Variants in OVCH1 observed in about 807,000 individuals in gnomAD.
OVCH1 encodes ovochymase 1, also known as ovochymase-1.
Under a neutral mutation model 138.4 loss-of-function variants are expected in OVCH1, and 139 were observed. The observed-to-expected ratio is 1.00, with a 90% CI of 0.87 to 1.16. The LOEUF is 1.16. Ranked by LOEUF, OVCH1 falls within the 50% of genes most tolerant of loss-of-function variation. The pLI is 0.00. For missense variants in OVCH1, 1,367 were observed against 1,357.9 expected, an observed-to-expected ratio of 1.01 and a Z score of -0.11; for synonymous variants, 453 against 467.8, an observed-to-expected ratio of 0.97 and a Z score of 0.41.
chr12:29,429,810 A>G (rs899567713), intron 27 of OVCH1, among the ~76,000 whole-genome samples: 1 of 152,240 alleles, frequency 6.6e-6, no homozygotes, highest in Non-Finnish European at 1.5e-5. Context: ...CAAAAAGAGA[A>G]GTTACTTGAA....
intron 27 of OVCH1, among the ~76,000 whole-genome samples, chr12:29,429,777 A>G (rs896850280): frequency 6.6e-6 from 1 of 152,242 alleles, no homozygotes; most frequent in Non-Finnish European, 1.5e-5. Flanking sequence ...TCCTTGAGAC[A>G]AAGAGAAAAA....
intron 21 of OVCH1, among the ~76,000 whole-genome samples, chr12:29,453,721 C>G (rs1284746889): frequency 6.6e-6 from 1 of 152,090 alleles, no homozygotes; most frequent in Non-Finnish European, 1.5e-5. Context: ...TTCACATACA[C>G]TCTGAATTCC....
intron 16 of OVCH1, among the ~76,000 whole-genome samples, chr12:29,469,399 A>G (rs1942426615): frequency 6.6e-6 from 1 of 152,180 alleles, no homozygotes; most frequent in Non-Finnish European, 1.5e-5. Context: ...TCTCCTCAAA[A>G]TGACCAAGGG....
At chr12:29,474,735 G>A (rs1942643987) in intron 14 of OVCH1, among the ~76,000 whole-genome samples, 1 of 152,056 alleles carries the variant, frequency 6.6e-6, no homozygotes, top group East Asian at 1.9e-4. Context: ...CCCCTAACTT[G>A]GTAAAATAGA....
At chr12:29,493,692 A>G (rs940558542) in intron 4 of OVCH1, among the ~76,000 whole-genome samples, 1 of 152,138 alleles carries the variant, frequency 6.6e-6, no homozygotes, top group Non-Finnish European at 1.5e-5. Flanking sequence ...GCTTATTTTC[A>G]AATTTCCCTT....
chr12:29,460,320 A>G (rs1230262582), intron 19 of OVCH1, among the ~76,000 whole-genome samples: 1 of 152,212 alleles, frequency 6.6e-6, no homozygotes, highest in Non-Finnish European at 1.5e-5. Flanking sequence ...TTCTTGTTGA[A>G]GAAAGAAAAG....
intron 4 of OVCH1, 105 bp downstream of exon 4, chr12:29,495,180 T>C (rs1007712613): frequency 1.8e-6 from 2 of 1,108,152 alleles, no homozygotes; most frequent in African/African-American, 3.2e-5. Context: ...AAACAAAGCT[T>C]AGCTATTCTA....
downstream of OVCH1, among the ~76,000 whole-genome samples, chr12:29,412,140 G>GT (rs1940967419): frequency 6.6e-6 from 1 of 152,112 alleles, no homozygotes; most frequent in Non-Finnish European, 1.5e-5. Context: ...CTGGTGCGCC[G>GT]TTTTTTAAGC....
chr12:29,467,441 C>T (rs10492378), intron 16 of OVCH1, among the ~76,000 whole-genome samples: 5,793 of 152,220 alleles, frequency 0.038, 329 homozygotes, highest in African/African-American at 0.13. Flanking sequence ...ATAGTAGGAA[C>T]ATAGCTCAAG....
At chr12:29,411,326 C>T (rs1372279001), downstream of OVCH1, among the ~76,000 whole-genome samples, 3 of 151,038 alleles carry the variant, frequency 2.0e-5, no homozygotes, top group South Asian at 2.1e-4. Context: ...CTCCATCCAG[C>T]TTCGTTCCAT....
Position 29,491,125 on chromosome 12 carries a change from T to TA in OVCH1, c.521dup (p.Leu174PhefsTer28). ...TGGAAATCTTGCCCCATCCACTGGA[T>TA]AAGCAAAGAATTCCTGGTTCAACTT... is the stretch of plus-strand genomic sequence containing the variant. On this transcript the variant is annotated frameshift_variant, in exon 5 of 28. Transcript: ENST00000318184. LOFTEE classifies it high-confidence loss of function. 1.9e-6 allele frequency: 3 copies of TA among 1,613,776 alleles called. No homozygotes were observed. The highest frequency in any genetic ancestry group is 2.5e-6 in the Non-Finnish European group (3 of 1,179,718).
rs1398855468 is a variant in OVCH1, at chr12:29,473,104, C to T, written c.1601-1G>A. On this transcript the variant is annotated splice_acceptor_variant, in intron 14 of 27. Coordinates refer to ENST00000318184, the Ensembl canonical transcript of OVCH1. LOFTEE classifies it high-confidence loss of function. ...TTTGGTTCAAATTTGTTTAAAGACT[C>T]TGTAGAAGAAAAAAAAATTAATTGA... The T allele has an allele frequency of 3.1e-6, 5 of 1,590,714 alleles. No homozygotes were observed. Among genetic ancestry groups the T allele is most frequent in the African/African-American group, 2.8e-5 (2 of 71,300 alleles).
chr12:29,439,695 C>A (rs924405980), intron 25 of OVCH1, among the ~76,000 whole-genome samples, 158 bp downstream of exon 26: 1 of 152,148 alleles, frequency 6.6e-6, no homozygotes, highest in African/African-American at 2.4e-5. Context: ...CTCGGTTTCA[C>A]AAGACTGCTC....
At position 29,476,967 on chromosome 12, in the gene OVCH1, G is replaced by C. The variant is rs565845130; in HGVS notation, c.1377+135C>G. ...AACCACTCACAGAGATTTCTTTTCA[G>C]AGTAAAAAAAAATGGCAAATGGCTA... On this transcript the variant is annotated intron_variant, in intron 12 of 27. Transcript: ENST00000318184. 11 of 1,080,538 alleles carry C rather than the reference G, an allele frequency of 1.0e-5. No individual in the cohort carries two copies. In the East Asian group the frequency reaches 3.0e-4, roughly 29 times the overall value. The allele number at this position is 1,080,538 out of a possible 1,614,324, so 66.9% of individuals were successfully genotyped here.
At chr12:29,456,117 T>C (rs939649576) in intron 19 of OVCH1, among the ~76,000 whole-genome samples, 2 of 152,220 alleles carry the variant, frequency 1.3e-5, no homozygotes, top group African/African-American at 2.4e-5. Context: ...AGGGCCAAAC[T>C]AATTTAACTT....
At chr12:29,413,763 T>C (rs1940994375) in intron 3 of OVCH1, among the ~76,000 whole-genome samples, 1 of 152,234 alleles carries the variant, frequency 6.6e-6, no homozygotes, top group South Asian at 2.1e-4. Context: ...GCCTATCTGC[T>C]ATCCTGGATC....
chr12:29,416,498 T>G (rs146468175), intron 3 of OVCH1, among the ~76,000 whole-genome samples: 183 of 152,232 alleles, frequency 1.2e-3, no homozygotes, highest in African/African-American at 4.2e-3. Context: ...AGGCTAAAGA[T>G]ATGAAGGGGC....
chr12:29,431,046 C>A (rs1941258898), intron 27 of OVCH1: 2 of 331,532 alleles, frequency 6.0e-6, no homozygotes, highest in Non-Finnish European at 1.2e-5. Flanking sequence ...TCAATACACC[C>A]AATTAAACTT....
At position 29,477,039 on chromosome 12, in the gene OVCH1, A is replaced by G. The variant is rs115668421; in HGVS notation, c.1377+63T>C. 1,143 of 1,445,834 alleles carry G rather than the reference A, an allele frequency of 7.9e-4. 7 individuals carry two copies. In the African/African-American group the frequency reaches 0.012, roughly 16 times the overall value. The allele number at this position is 1,445,834 out of a possible 1,614,324, so 89.6% of individuals were successfully genotyped here. ...GGCAATTTAACAATCCAGATGAATT[A>G]AGTTCTGCCTAACTAACGTAACTCT... is the stretch of plus-strand genomic sequence containing the variant. On this transcript the variant is annotated intron_variant, in intron 12 of 27. Coordinates refer to ENST00000318184, the Ensembl canonical transcript of OVCH1.
Sources: gnomAD v4.1 joint callset for allele counts (sites outside exome capture counted in the v4.1 genomes callset) on GRCh38, gnomAD v4.1.1 for gene constraint, MANE v1.5 for transcripts, NCBI Gene and HGNC (gene_info 2026-07-23, HGNC 2026-07-21) for gene names.